Variants in MYLK3 observed in about 807,000 individuals in gnomAD.
MYLK3 encodes myosin light chain kinase 3.
Under a neutral mutation model 76.3 loss-of-function variants are expected in MYLK3, and 55 were observed. The ratio of observed to expected loss-of-function variants is 0.72; its 90% confidence interval spans 0.58 to 0.90. The LOEUF (loss-of-function observed/expected upper bound fraction) is 0.90, where lower values mean the gene tolerates loss of function less well. Ranked by LOEUF, MYLK3 falls within the 40% of genes least tolerant of loss-of-function variation. The pLI is 0.00. For synonymous variants in MYLK3, 416 were observed against 425.4 expected, an observed-to-expected ratio of 0.98 and a Z score of 0.27; for missense variants, 973 against 1,053.6, an observed-to-expected ratio of 0.92 and a Z score of 1.06.
chr16:46,713,002 C>T (rs1295490318), intron 9 of MYLK3, among the ~76,000 whole-genome samples: 3 of 152,122 alleles, frequency 2.0e-5, no homozygotes, highest in Non-Finnish European at 2.9e-5. Context: ...CACAGTCTTC[C>T]TCCTCCAGGC....
chr16:46,710,846 T>C (rs745741729), intron 10 of MYLK3, 57 bp from the exon 11 acceptor site: 12 of 1,603,458 alleles, frequency 7.5e-6, no homozygotes, highest in Non-Finnish European at 1.0e-5. Flanking sequence ...CAACATGCAT[T>C]GGCAGAATAG....
intron 9 of MYLK3, among the ~76,000 whole-genome samples, chr16:46,719,856 A>AT (rs1288232692): frequency 1.3e-5 from 2 of 152,240 alleles, no homozygotes; most frequent in African/African-American, 4.8e-5. Context: ...GGCTTCAGGC[A>AT]TTTTAAGAGA....
At position 46,706,771 on chromosome 16, in the gene MYLK3, G is replaced by A. The variant is rs1966630620; in HGVS notation, c.*933C>T. 6.6e-6 allele frequency: 1 copy of A among 152,244 alleles called. No individual in the cohort carries two copies. Among genetic ancestry groups the A allele is most frequent in the South Asian group, 2.1e-4 (1 of 4,830 alleles). 9.4% of individuals were successfully genotyped at this position (152,244 alleles called of 1,614,324 possible). ...ATGAAGAGGAGAGCATGGTGTTGCT[G>A]TCTCAGGGGTGACAAAGGTGAAAGA... is the stretch of plus-strand genomic sequence containing the variant. On this transcript the variant is annotated 3_prime_UTR_variant, in exon 13 of 13. Transcript: ENST00000394809.
chr16:46,722,257 C>T (rs1280984071), intron 8 of MYLK3, among the ~76,000 whole-genome samples: 1 of 152,182 alleles, frequency 6.6e-6, no homozygotes, highest in Non-Finnish European at 1.5e-5. Context: ...GGCCCAGGGG[C>T]TCATTACCTG....
rs745903922 is a variant in MYLK3, at chr16:46,737,700, G to T, written c.1001+11C>A. ...CCCCTCCCTCACCCAGCCTGGAAGA[G>T]CTCCCCTTACCTTGGAGGTGTTTCT... is the stretch of plus-strand genomic sequence containing the variant. On this transcript the variant is annotated intron_variant, in intron 3 of 12. Transcript: ENST00000394809. 6.3e-7 allele frequency: 1 copy of T among 1,584,380 alleles called. No homozygotes were observed. Among genetic ancestry groups the T allele is most frequent in the South Asian group, 1.1e-5 (1 of 88,696 alleles).
chr16:46,762,106 G>GGCAA (rs924455703), intron 1 of MYLK3, among the ~76,000 whole-genome samples: 1 of 152,162 alleles, frequency 6.6e-6, no homozygotes, highest in Non-Finnish European at 1.5e-5. Context: ...CCACCCCGCA[G>GGCAA]GCGGGCAACA....
Position 46,732,117 on chromosome 16 carries a change from C to A in MYLK3, c.1462+91G>T, listed in dbSNP as rs914139159. On this transcript the variant is annotated intron_variant, in intron 4 of 12. Transcript: ENST00000394809. ...CGCCCCCAGACTCATATGATCTACCCCTGGAAGCTACAGGAAGACTCCCCA... is the reference window on the plus strand; with the variant it reads ...CGCCCCCAGACTCATATGATCTACCACTGGAAGCTACAGGAAGACTCCCCA... The A allele has an allele frequency of 2.1e-5, 23 of 1,119,422 alleles. No homozygotes were observed. The Admixed American group carries it at 2.2e-4, about 11-fold the overall frequency. 69.3% of individuals were successfully genotyped at this position (1,119,422 alleles called of 1,614,324 possible). A position where few individuals can be genotyped will look rare whatever the true frequency, so the allele number is the denominator to read the frequency against.
Position 46,729,577 on chromosome 16 carries a change from C to T in MYLK3, c.1662+17G>A, listed in dbSNP as rs1417791945. 1.2e-6 allele frequency: 2 copies of T among 1,612,080 alleles called. No homozygotes were observed. The highest frequency in any genetic ancestry group is 1.3e-5 in the African/African-American group (1 of 74,942). On this transcript the variant is annotated intron_variant, in intron 6 of 12. Coordinates refer to ENST00000394809, the MANE Select transcript of MYLK3 (RefSeq NM_182493.3). ...CTGAGGCTGGCCACAGGGACCTGGC[C>T]CAGCCAGATGCCTCACCCGGTCCTT...
chr16:46,727,474 G>T (rs911686561), intron 7 of MYLK3, 97 bp from the exon 8 acceptor site: 1 of 1,376,742 alleles, frequency 7.3e-7, no homozygotes. Context: ...AGCCCGGGTA[G>T]GCCCACCATC....
At chr16:46,722,779 G>C (rs1435161139) in intron 8 of MYLK3, among the ~76,000 whole-genome samples, 2 of 152,112 alleles carry the variant, frequency 1.3e-5, no homozygotes, top group Admixed American at 6.5e-5. Context: ...ACACGATCTC[G>C]GCTCACTGCA....
At position 46,706,164 on chromosome 16, in the gene MYLK3, T is replaced by G. The variant is rs1472622826; in HGVS notation, c.*1540A>C. 6.6e-6 allele frequency: 1 copy of G among 152,084 alleles called. No homozygotes were observed. Among genetic ancestry groups the G allele is most frequent in the Non-Finnish European group, 1.5e-5 (1 of 68,032 alleles). 9.4% of individuals were successfully genotyped at this position (152,084 alleles called of 1,614,324 possible). A position where few individuals can be genotyped will look rare whatever the true frequency, so the allele number is the denominator to read the frequency against. On this transcript the variant is annotated 3_prime_UTR_variant, in exon 13 of 13. Transcript: ENST00000394809. Reference sequence around the variant, plus strand: ...TATAACTTTTGTCTCCCCAAAAACTTAACTACTAATAGCCTAATGTTGACT... The same window carrying G: ...TATAACTTTTGTCTCCCCAAAAACTGAACTACTAATAGCCTAATGTTGACT...
chr16:46,750,611 T>C, upstream of MYLK3, among the ~76,000 whole-genome samples: 1 of 152,104 alleles, frequency 6.6e-6, no homozygotes, highest in Non-Finnish European at 1.5e-5. Flanking sequence ...GGAGAATTGC[T>C]TGAACTGGTA....
intron 1 of MYLK3, among the ~76,000 whole-genome samples, chr16:46,755,746 C>A (rs1161593305): frequency 1.3e-5 from 2 of 152,044 alleles, no homozygotes; most frequent in East Asian, 1.9e-4. Context: ...ATAACACATA[C>A]CCTCATGGAG....
upstream of MYLK3, among the ~76,000 whole-genome samples, chr16:46,749,706 G>A (rs1967094695): frequency 6.6e-6 from 1 of 152,174 alleles, no homozygotes; most frequent in Admixed American, 6.5e-5. Flanking sequence ...CTACACTCCA[G>A]CCTGGCCAAC....
At chr16:46,725,158 C>A (rs1021434654) in intron 8 of MYLK3, among the ~76,000 whole-genome samples, 1 of 152,054 alleles carries the variant, frequency 6.6e-6, no homozygotes, top group Non-Finnish European at 1.5e-5. Context: ...TATACTGCAA[C>A]CTTGATGAAT....
At chr16:46,732,089 G>A in intron 4 of MYLK3, 119 bp downstream of exon 4, 4 of 848,778 alleles carry the variant, frequency 4.7e-6, no homozygotes, top group Non-Finnish European at 7.1e-6. Context: ...CCCGACTCTT[G>A]GACGCCCCCA....
rs200317443 is a variant in MYLK3, at chr16:46,727,377, G to A, written c.1773C>T (p.Tyr591=). ...GGTCGAAGAGCTCACCCCCGTCCAC[G>A]CTGCCAGAGCAAAGGGAGAGGCAGG... ...SKHSCTLVME[Y]VDGGELFDRI... is the part of the protein sequence containing the mutation. The change falls in exon 8 of 13, where the codon TAC becomes TAT. Residue 591 remains tyrosine, a splice_region_variant and synonymous_variant. Coordinates refer to ENST00000394809, the MANE Select transcript of MYLK3 (RefSeq NM_182493.3). 50 of 1,604,532 alleles carry A rather than the reference G, an allele frequency of 3.1e-5. 1 individual carries two copies. In the Middle Eastern group the frequency reaches 5.0e-4, roughly 16 times the overall value.
chr16:46,718,685 G>A (rs547277741), intron 9 of MYLK3, among the ~76,000 whole-genome samples: 39 of 152,342 alleles, frequency 2.6e-4, no homozygotes, highest in Admixed American at 2.0e-3. Flanking sequence ...AGCCATCAGG[G>A]CCAGGCGTGG....
At chr16:46,715,783 G>A (rs1340979012) in intron 9 of MYLK3, among the ~76,000 whole-genome samples, 1 of 152,152 alleles carries the variant, frequency 6.6e-6, no homozygotes, top group Admixed American at 6.5e-5. Flanking sequence ...ACTGCACCAG[G>A]AGCCATGTCC....
Sources: allele counts gnomAD v4.1 joint callset (sites outside exome capture counted in the v4.1 genomes callset), GRCh38; gene constraint gnomAD v4.1.1; transcripts MANE v1.5; gene names NCBI Gene and HGNC (gene_info 2026-07-23, HGNC 2026-07-21).